Variants in ABCC6 observed in about 807,000 individuals in gnomAD.
ABCC6 encodes ATP binding cassette subfamily C member 6.
ABCC6 carries 126 observed loss-of-function variants against 169.5 expected under a neutral mutation model. The ratio of observed to expected loss-of-function variants is 0.74; its 90% CI spans 0.64 to 0.86. The LOEUF (loss-of-function observed/expected upper bound fraction) is 0.86. Ranked by LOEUF, ABCC6 falls within the 40% of genes least tolerant of loss-of-function variation. ABCC6 has a pLI of 0.00. For synonymous variants in ABCC6, 752 were observed against 814.7 expected (o/e 0.92, Z 1.31); for missense variants, 1,733 against 1,927.2 (o/e 0.90, Z 1.89).
At chr16:16,184,848 T>A in intron 15 of ABCC6, 111 bp downstream of exon 15, 1 of 1,220,788 alleles carries the variant, frequency 8.2e-7, no homozygotes, top group Non-Finnish European at 1.2e-6. Context: ...AAACCCACCC[T>A]CCAGTCCCAG....
rs74315109 is a variant in ABCC6 at position 16,150,668 on chromosome 16, AGCTCCGT to A, written c.4306_4312del (p.Thr1436CysfsTer26). 40 of 1,613,514 alleles carry A rather than the reference AGCTCCGT, an allele frequency of 2.5e-5. No homozygotes were observed. On this transcript the variant is annotated frameshift_variant, in exon 30 of 31. Coordinates refer to ENST00000205557, the MANE Select transcript of ABCC6 (RefSeq NM_001171.6). LOFTEE classifies it high-confidence loss of function. The stretch of plus-strand genomic sequence containing the variant: ...GCTCCCGAGCATGGCCTGCATCTGC[AGCTCCGT>A]GCCAGGGTCCACGGCAGCAGTAGCC...
At position 16,169,661 on chromosome 16, in the gene ABCC6, G is replaced by A; in HGVS notation, c.2980C>T (p.Leu994Phe). 6.2e-7 allele frequency: 1 copy of A among 1,610,920 alleles called. No individual in the cohort carries two copies. The highest frequency in any genetic ancestry group is 8.5e-7 in the Non-Finnish European group (1 of 1,179,692). The change falls in exon 22 of 31, where the codon CTC becomes TTC. Residue 994 changes from leucine (L) to phenylalanine (F), a missense_variant. Physicochemically the swap from Leu to Phe is conservative, Grantham distance 22 (BLOSUM62 0). This residue lies in a region of ABCC6 where 1,601 missense variants were observed against 1,635.5 expected (regional missense o/e 0.98). Transcript: ENST00000205557. ...TGAGGCGTACCTTGGAGACAGCCGA[G>A]GAGCCCGAAGATCCCGCCACGCAGG... ...AALRGGIFGL[L>F]GCLQAIGLFA...
Position 16,189,060 on chromosome 16 carries a change from G to A in ABCC6, c.1636-86C>T, listed in dbSNP as rs1055903374. 6.7e-6 allele frequency: 10 copies of A among 1,493,474 alleles called. No homozygotes were observed. The African/African-American group carries it at 1.2e-4, about 18-fold the overall frequency. 92.5% of individuals were successfully genotyped at this position (1,493,474 alleles called of 1,614,324 possible). On this transcript the variant is annotated intron_variant, in intron 12 of 30. Transcript: ENST00000205557. Reference sequence around the variant, plus strand: ...CTGGGCAAGCTGTGGTGCCTGCACGGTCCATGTGGCCCACCCGCCATGTCC... The same window carrying A: ...CTGGGCAAGCTGTGGTGCCTGCACGATCCATGTGGCCCACCCGCCATGTCC...
chr16:16,168,803 G>A (rs1183048403), intron 22 of ABCC6, among the ~76,000 whole-genome samples: 1 of 152,076 alleles, frequency 6.6e-6, no homozygotes, highest in African/African-American at 2.4e-5. Context: ...CCATAGGGCC[G>A]GGTGCGGGGG....
At chr16:16,189,030 G>A in intron 12 of ABCC6, 56 bp from the exon 13 acceptor site, 2 of 1,597,334 alleles carry the variant, frequency 1.3e-6, no homozygotes, top group Non-Finnish European at 8.5e-7. Context: ...CATGGATAGG[G>A]CAGCCTGGGC....
intron 17 of ABCC6, among the ~76,000 whole-genome samples, chr16:16,181,552 G>T (rs1393152553): frequency 1.3e-5 from 2 of 152,250 alleles, no homozygotes; most frequent in Admixed American, 1.3e-4. Flanking sequence ...GCCAGAGTGT[G>T]CTGTGGGGGA....
Position 16,162,976 on chromosome 16 carries a change from G to T in ABCC6, c.3506+17C>A. 6.2e-7 allele frequency: 1 copy of T among 1,613,936 alleles called. No homozygotes were observed. Among genetic ancestry groups the T allele is most frequent in the Non-Finnish European group, 8.5e-7 (1 of 1,179,960 alleles). ...ATGGATGAATTGCAAGGTCTTCTCT[G>T]CCCTGGCTCTTCCTACCTGTCAGCC... On this transcript the variant is annotated intron_variant, in intron 24 of 30. Transcript: ENST00000205557.
chr16:16,177,400 C>T, intron 19 of ABCC6, 52 bp downstream of exon 19: 2 of 1,608,358 alleles, frequency 1.2e-6, no homozygotes, highest in East Asian at 2.2e-5. Flanking sequence ...AGCCTTTTCC[C>T]CCAAGGGTGG....
Position 16,187,111 on chromosome 16 carries a change from A to T in ABCC6, c.1867+13T>A. On this transcript the variant is annotated intron_variant, in intron 14 of 30. Transcript: ENST00000205557. ...ATCCCTCCCACACCCCTCCTGCCAGACTCAGCACTCACCGCTTCCAGAGGA... is the reference window on the plus strand; with the variant it reads ...ATCCCTCCCACACCCCTCCTGCCAGTCTCAGCACTCACCGCTTCCAGAGGA... 2 of 1,606,736 alleles carry T rather than the reference A, an allele frequency of 1.2e-6. No individual in the cohort carries two copies. Among genetic ancestry groups the T allele is most frequent in the South Asian group, 1.1e-5 (1 of 90,694 alleles).
At chr16:16,196,417 T>G (rs974221198) in intron 10 of ABCC6, among the ~76,000 whole-genome samples, 7 of 152,202 alleles carry the variant, frequency 4.6e-5, no homozygotes, top group African/African-American at 9.7e-5. Context: ...AAGCATCTAC[T>G]GTCTTATCCT....
chr16:16,177,190 A>G (rs1409755816), intron 19 of ABCC6, among the ~76,000 whole-genome samples: 1 of 152,246 alleles, frequency 6.6e-6, no homozygotes, highest in Non-Finnish European at 1.5e-5. Context: ...ATAACTTCAC[A>G]TGCCTCTGGG....
chr16:16,152,052 C>T (rs960378003), intron 29 of ABCC6, among the ~76,000 whole-genome samples: 3 of 151,624 alleles, frequency 2.0e-5, no homozygotes, highest in African/African-American at 4.8e-5. Context: ...ATTAGCCGGG[C>T]GTGGTGGCGG....
Position 16,157,776 on chromosome 16 carries a change from G to C in ABCC6, c.3769C>G (p.Pro1257Ala), listed in dbSNP as rs750897812. The C allele has an allele frequency of 4.3e-6, 7 of 1,613,206 alleles. No homozygotes were observed. Among genetic ancestry groups the C allele is most frequent in the Admixed American group, 1.7e-5 (1 of 59,986 alleles). Residue 1257 changes from proline (P) to alanine (A), a missense_variant, in exon 27 of 31, where the codon CCC becomes GCC. Physicochemically the swap from Pro to Ala is conservative, Grantham distance 27. Transcript: ENST00000205557. The part of the protein sequence containing the change: ...PWRLPTCAAQ[P>A]PWPQGGQIEF... Reference sequence around the variant, plus strand: ...ATCTGCCCGCCCTGAGGCCAGGGGGGCTGAGCTGCACATGTGGGCAGCCTC... The same window carrying C: ...ATCTGCCCGCCCTGAGGCCAGGGGGCCTGAGCTGCACATGTGGGCAGCCTC...
At chr16:16,180,320 A>G (rs543054840) in intron 17 of ABCC6, among the ~76,000 whole-genome samples, 2 of 152,132 alleles carry the variant, frequency 1.3e-5, no homozygotes, top group Non-Finnish European at 2.9e-5. Flanking sequence ...TGAGATAGTC[A>G]TCACCTCAAA....
intron 7 of ABCC6, among the ~76,000 whole-genome samples, chr16:16,206,660 C>T (rs573002201): frequency 1.3e-5 from 2 of 151,910 alleles, no homozygotes; most frequent in South Asian, 4.2e-4. Flanking sequence ...CCATCTTTCC[C>T]CTTTCTTTCT....
At position 16,208,810 on chromosome 16, in the gene ABCC6, A is replaced by G; in HGVS notation, c.712T>C (p.Ser238Pro). 1 of 1,613,186 alleles carries G rather than the reference A, an allele frequency of 6.2e-7. No homozygotes were observed. Among genetic ancestry groups the G allele is most frequent in the Non-Finnish European group, 8.5e-7 (1 of 1,179,676 alleles). Residue 238 changes from serine to proline, a missense_variant, in exon 7 of 31, where the codon TCG (serine) becomes CCG (proline). Physicochemically the swap from Ser to Pro is moderately conservative, Grantham distance 74 (BLOSUM62 -1). Transcript: ENST00000205557. ...TCTGAGGAGTTTTCTCTCCCAAGCG[A>G]CCAGAGGTCTTTTGGTCTCAGTGGC... ...RRPLRPKDLW[S>P]LGRENSSEEL... is the part of the protein sequence containing the mutation.
At chr16:16,208,315 G>T (rs1042332955) in intron 7 of ABCC6, among the ~76,000 whole-genome samples, 8 of 152,098 alleles carry the variant, frequency 5.3e-5, no homozygotes, top group African/African-American at 1.9e-4. Context: ...AGCGTTGGGG[G>T]CTGGACTGGG....
intron 8 of ABCC6, 126 bp downstream of exon 8, chr16:16,203,284 C>G (rs1448034209): frequency 3.3e-6 from 5 of 1,511,288 alleles, no homozygotes; most frequent in Non-Finnish European, 4.5e-6. Context: ...TCCTTCTCAC[C>G]CACCATCCAG....
At chr16:16,190,053 G>A (rs2047794142) in intron 12 of ABCC6, 111 bp downstream of exon 12, 1 of 1,153,158 alleles carries the variant, frequency 8.7e-7, no homozygotes, top group South Asian at 1.2e-5. Context: ...GAATGAGTGG[G>A]TTTTGATGGA....
Sources: allele counts gnomAD v4.1 joint callset (sites outside exome capture counted in the v4.1 genomes callset), GRCh38; gene constraint gnomAD v4.1.1; regional missense constraint gnomAD v4.1.1; transcripts MANE v1.5; gene names NCBI Gene and HGNC (gene_info 2026-07-23, HGNC 2026-07-21).